NGFR: variants seen among roughly 807,000 people sequenced by gnomAD.
NGFR encodes the protein nerve growth factor receptor, also known as tumor necrosis factor receptor superfamily member 16.
NGFR carries 30 observed loss-of-function variants against 43.2 expected under a neutral mutation model. The observed-to-expected ratio is 0.69, with a 90% CI of 0.52 to 0.94. The LOEUF (loss-of-function observed/expected upper bound fraction) is 0.94. Ranked by LOEUF, NGFR falls within the 40% of genes least tolerant of loss-of-function variation. The pLI is 0.00. For missense variants in NGFR, 529 were observed against 602.5 expected (o/e 0.88, Z 1.28); for synonymous variants, 246 against 259.6 (o/e 0.95, Z 0.50).
chr17:49,496,369 G>T (rs78039676), intron 1 of NGFR: 24,518 of 152,262 alleles, frequency 0.16, 2,516 homozygotes, highest in Non-Finnish European at 0.23. Flanking sequence ...ACCCGCTCCC[G>T]GGGTTCCCCC....
rs1490200050 is a variant in NGFR, at chr17:49,502,103, T to C, written c.107T>C (p.Leu36Pro). ...GCCAAGGAGGCATGCCCCACAGGCC[T>C]GTACACACACAGCGGTGAGTGCTGC... ...GGAKEACPTG[L>P]YTHSGECCKA... The change falls in exon 2 of 6, where the codon CTG becomes CCG. Residue 36 changes from leucine to proline, a missense_variant. By Grantham distance (98) the Leu-to-Pro change is moderately conservative. Coordinates refer to ENST00000172229, the MANE Select transcript of NGFR (RefSeq NM_002507.4). 5.2e-6 allele frequency: 8 copies of C among 1,532,676 alleles called. No individual in the cohort carries two copies. The highest frequency in any genetic ancestry group is 2.2e-5 in the South Asian group (2 of 89,650). The allele number at this position is 1,532,676 out of a possible 1,614,324, so 94.9% of individuals were successfully genotyped here.
At chr17:49,502,911 TTTCCTTCC>T (rs547029564) in intron 2 of NGFR, among the ~76,000 whole-genome samples, 1 of 149,766 alleles carries the variant, frequency 6.7e-6, no homozygotes, top group African/African-American at 2.5e-5. Flanking sequence ...CTTTCTTTCC[TTTCCTTCC>T]TTCCTTCCTT....
Position 49,514,489 on chromosome 17 carries a change from C to G in NGFR, c.*1480C>G, listed in dbSNP as rs1429388552. ...TGAGGCCTCAGTGGACTTTCCACCC[C>G]CTCCCTGGCCTGTTCTGTTTTGCCT... On this transcript the variant is annotated 3_prime_UTR_variant, in exon 6 of 6. Transcript: ENST00000172229. 2 of 152,302 alleles carry G rather than the reference C, an allele frequency of 1.3e-5. No homozygotes were observed. Among genetic ancestry groups the G allele is most frequent in the African/African-American group, 2.4e-5 (1 of 41,448 alleles). The allele number at this position is 152,302 out of a possible 1,614,324, so 9.4% of individuals were successfully genotyped here. A position where few individuals can be genotyped will look rare whatever the true frequency, so the allele number is the denominator to read the frequency against.
chr17:49,506,705 C>A, intron 3 of NGFR, 47 bp downstream of exon 3: 2 of 938,644 alleles, frequency 2.1e-6, no homozygotes. Context: ...CGGGGGTGGG[C>A]TGGGGGCATA....
chr17:49,511,957 C>T lies in NGFR; in HGVS notation c.887C>T (p.Pro296Leu). The T allele has an allele frequency of 1.2e-6, 2 of 1,613,578 alleles. No homozygotes were observed. Among genetic ancestry groups the T allele is most frequent in the Non-Finnish European group, 1.7e-6 (2 of 1,179,794 alleles). Residue 296 changes from proline (P) to leucine (L), a missense_variant, in exon 5 of 6, where the codon CCA becomes CTA. By Grantham distance (98) the Pro-to-Leu change is moderately conservative. Coordinates refer to ENST00000172229, the MANE Select transcript of NGFR (RefSeq NM_002507.4). ...NSRPVNQTPPPEGEKLHSDSG... is the reference protein window; with the variant it reads ...NSRPVNQTPPLEGEKLHSDSG... ...CGGCCAGTGAACCAGACGCCCCCAC[C>T]AGAGGGAGAAAAACTCCACAGCGAC...
chr17:49,495,807 G>T lies in NGFR; in HGVS notation c.66+324G>T, dbSNP rs2071134938. On this transcript the variant is annotated intron_variant, in intron 1 of 5. Coordinates refer to ENST00000172229, the MANE Select transcript of NGFR (RefSeq NM_002507.4). This position sits in a 1 kb window ranked among gnomAD's most constrained non-coding sequence, Gnocchi z 6.4. ...CCGATGCCCAGGTTCTTCGGAAGAG[G>T]ACACTCGAATGCCGGGATCCCGAAG... 1 of 324,082 alleles carries T rather than the reference G, an allele frequency of 3.1e-6. No individual in the cohort carries two copies. Among genetic ancestry groups the T allele is most frequent in the Non-Finnish European group, 5.6e-6 (1 of 178,290 alleles). The allele number at this position is 324,082 out of a possible 1,614,324, so 20.1% of individuals were successfully genotyped here.
Position 49,506,411 on chromosome 17 carries a change from C to T in NGFR, c.321C>T (p.Cys107=), listed in dbSNP as rs1021162441. Residue 107 remains cysteine (C), a synonymous_variant, in exon 3 of 6, where the codon TGC becomes TGT. Transcript: ENST00000172229. ...GCGTGGAGGCCGACGACGCCGTGTG[C>T]CGCTGCGCCTACGGCTACTACCAGG... The part of the protein sequence containing the change: ...APCVEADDAV[C]RCAYGYYQDE... 1.2e-6 allele frequency: 2 copies of T among 1,604,724 alleles called. No individual in the cohort carries two copies. Among genetic ancestry groups the T allele is most frequent in the African/African-American group, 1.3e-5 (1 of 74,822 alleles).
At position 49,512,082 on chromosome 17, in the gene NGFR, C is replaced by T. The variant is rs775602775; in HGVS notation, c.982+30C>T. On this transcript the variant is annotated intron_variant, in intron 5 of 5. Coordinates refer to ENST00000172229, the MANE Select transcript of NGFR (RefSeq NM_002507.4). This position sits in a 1 kb window ranked among gnomAD's most constrained non-coding sequence, Gnocchi z 5.2. ...GCAGCGGCCCGCTGGGGAGCTGAGG[C>T]GGAGCTGAGGCTGAGGAAACAGAAG... 8 of 1,604,744 alleles carry T rather than the reference C, an allele frequency of 5.0e-6. No individual in the cohort carries two copies. Among genetic ancestry groups the T allele is most frequent in the Non-Finnish European group, 6.0e-6 (7 of 1,175,332 alleles).
At chr17:49,501,998 G>GAA in intron 1 of NGFR, 65 bp from the exon 2 acceptor site, 1 of 508,524 alleles carries the variant, frequency 2.0e-6, no homozygotes, top group Non-Finnish European at 3.6e-6. Context: ...TTCCCCGGAA[G>GAA]AACCCCCCCC....
rs777093922 is a variant in NGFR, at chr17:49,510,601, C to T, written c.758C>T (p.Pro253Leu). The change falls in exon 4 of 6, where the codon CCT (proline) becomes CTT (leucine). Residue 253 changes from proline to leucine, a missense_variant. By Grantham distance (98) the Pro-to-Leu change is moderately conservative. Coordinates refer to ENST00000172229, the MANE Select transcript of NGFR (RefSeq NM_002507.4). ...VTRGTTDNLI[P>L]VYCSILAAVV... ...CGAGGCACCACCGACAACCTCATCC[C>T]TGTCTATTGCTCCATCCTGGCTGCT... 6.2e-7 allele frequency: 1 copy of T among 1,614,044 alleles called. No homozygotes were observed. The highest frequency in any genetic ancestry group is 8.5e-7 in the Non-Finnish European group (1 of 1,179,986).
chr17:49,510,961 A>G (rs1234144849), intron 4 of NGFR: 1 of 380,718 alleles, frequency 2.6e-6, no homozygotes, highest in Non-Finnish European at 4.9e-6. Context: ...CTCATCCCCA[A>G]CCTCCTTCAC....
chr17:49,511,872 G>C lies in NGFR; in HGVS notation c.822-20G>C, dbSNP rs979547252. 1.3e-6 allele frequency: 2 copies of C among 1,585,626 alleles called. No homozygotes were observed. Among genetic ancestry groups the C allele is most frequent in the African/African-American group, 2.7e-5 (2 of 74,222 alleles). On this transcript the variant is annotated intron_variant, in intron 4 of 5. Coordinates refer to ENST00000172229, the MANE Select transcript of NGFR (RefSeq NM_002507.4). ...TACAGCCCCTCGCCCCCTGAAACCTGGCCTGTCCTCTGGCTCCAGGTGGAA... is the reference window on the plus strand; with the variant it reads ...TACAGCCCCTCGCCCCCTGAAACCTCGCCTGTCCTCTGGCTCCAGGTGGAA...
rs11466126 is a variant in NGFR, at chr17:49,495,340, GAGCGCAGCGC to G, written c.-69_-60del. On this transcript the variant is annotated 5_prime_UTR_variant, in exon 1 of 6. Coordinates refer to ENST00000172229, the MANE Select transcript of NGFR (RefSeq NM_002507.4). The surrounding 1 kb of genome is among the most constrained non-coding windows in gnomAD (Gnocchi z 6.4). Reference sequence around the variant, plus strand: ...GCTCCGGCGGGCAGGGGGGGCGCTGGAGCGCAGCGCAGCGCAGCCCCATCAGTCCGCAAAG... The same window carrying G: ...GCTCCGGCGGGCAGGGGGGGCGCTGGAGCGCAGCCCCATCAGTCCGCAAAG... The G allele has an allele frequency of 0.011, 12,385 of 1,110,118 alleles. 925 individuals are homozygous for G. The East Asian group carries it at 0.22, about 20-fold the overall frequency. The allele number at this position is 1,110,118 out of a possible 1,614,324, so 68.8% of individuals were successfully genotyped here. A position where few individuals can be genotyped will look rare whatever the true frequency, so the allele number is the denominator to read the frequency against.
chr17:49,514,948 C>T lies in NGFR; in HGVS notation c.*1939C>T, dbSNP rs1364544543. The stretch of plus-strand genomic sequence containing the variant: ...CCTCCTGTGTAATCATTTCTTGGGC[C>T]CTCCTGAAACTTACACACAAAACGT... On this transcript the variant is annotated 3_prime_UTR_variant, in exon 6 of 6. Coordinates refer to ENST00000172229, the MANE Select transcript of NGFR (RefSeq NM_002507.4). 1 of 151,944 alleles carries T rather than the reference C, an allele frequency of 6.6e-6. No homozygotes were observed. Among genetic ancestry groups the T allele is most frequent in the Non-Finnish European group, 1.5e-5 (1 of 68,008 alleles). The allele number at this position is 151,944 out of a possible 1,614,324, so 9.4% of individuals were successfully genotyped here. A position where few individuals can be genotyped will look rare whatever the true frequency, so the allele number is the denominator to read the frequency against.
intron 3 of NGFR, 41 bp downstream of exon 3, chr17:49,506,699 G>GGGGGC: frequency 2.5e-6 from 1 of 402,094 alleles, no homozygotes; most frequent in Non-Finnish European, 4.3e-6. Context: ...GGGGTGCGGG[G>GGGGGC]GTGGGCTGGG....
chr17:49,506,130 C>G, intron 2 of NGFR, 169 bp from the exon 3 acceptor site: 1 of 1,308,194 alleles, frequency 7.6e-7, no homozygotes, highest in Non-Finnish European at 9.9e-7. Context: ...CTGCCACCAA[C>G]TTTCACAGGC....
rs201658254 is a variant in NGFR, at chr17:49,512,091, G to T, written c.982+39G>T. 195 of 1,599,498 alleles carry T rather than the reference G, an allele frequency of 1.2e-4. No individual in the cohort carries two copies. Among genetic ancestry groups the T allele is most frequent in the Middle Eastern group, 5.9e-4 (3 of 5,090 alleles). On this transcript the variant is annotated intron_variant, in intron 5 of 5. Transcript: ENST00000172229. The surrounding 1 kb of genome is among the most constrained non-coding windows in gnomAD (Gnocchi z 5.2). ...CGCTGGGGAGCTGAGGCGGAGCTGA[G>T]GCTGAGGAAACAGAAGCAATTAAGA...
In NGFR at chr17:49,506,323, G is replaced by A. The variant is rs938953910; in HGVS notation, c.233G>A (p.Ser78Asn). 1 of 1,571,662 alleles carries A rather than the reference G, an allele frequency of 6.4e-7. No individual in the cohort carries two copies. Among genetic ancestry groups the A allele is most frequent in the Non-Finnish European group, 8.6e-7 (1 of 1,160,040 alleles). Residue 78 changes from serine (S) to asparagine (N), a missense_variant, in exon 3 of 6, where the codon AGC becomes AAC. By Grantham distance (46) the Ser-to-Asn change is conservative. Transcript: ENST00000172229. Reference sequence around the variant, plus strand: ...GGCGTGACGTTCTCCGACGTGGTGAGCGCGACCGAGCCGTGCAAGCCGTGC... The same window carrying A: ...GGCGTGACGTTCTCCGACGTGGTGAACGCGACCGAGCCGTGCAAGCCGTGC... ...LDSVTFSDVV[S>N]ATEPCKPCTE... is the part of the protein sequence containing the mutation.
At chr17:49,496,823 G>A (rs1290625723) in intron 1 of NGFR, 1 of 152,250 alleles carries the variant, frequency 6.6e-6, no homozygotes, top group African/African-American at 2.4e-5. Context: ...CCGGGCCACC[G>A]ACTCGGCAAA....
Sources: gnomAD v4.1 joint callset for allele counts (sites outside exome capture counted in the v4.1 genomes callset) on GRCh38, gnomAD v4.1.1 for gene constraint, Gnocchi (gnomAD v3.1) non-coding constraint, MANE v1.5 for transcripts, NCBI Gene and HGNC (gene_info 2026-07-23, HGNC 2026-07-21) for gene names.